The following VDAC1 variants were observed in gnomAD, a reference collection of about 807,000 sequenced individuals.
VDAC1 encodes non-selective voltage-gated ion channel VDAC1.
A neutral mutation model predicts 34.7 loss-of-function variants in VDAC1; 10 were observed. The observed-to-expected ratio is 0.29, with a 90% CI of 0.18 to 0.49. The LOEUF is 0.49. Among genes scored for constraint, VDAC1 ranks in the 20% least tolerant of loss-of-function variants. VDAC1 has a pLI of 0.99. For missense variants in VDAC1, 230 were observed against 347.9 expected (o/e 0.66, Z 2.69); for synonymous variants, 130 against 136.0 (o/e 0.96, Z 0.30).
the VDAC1 span, among the ~76,000 whole-genome samples, chr5:134,083,468 G>T: frequency 6.6e-6 from 1 of 152,300 alleles, no homozygotes; most frequent in Admixed American, 6.5e-5. Context: ...GGGATTACAG[G>T]CATGAGCCAC....
Position 133,972,704 on chromosome 5 carries a change from T to C in VDAC1, c.*67A>G. On this transcript the variant is annotated 3_prime_UTR_variant, in exon 9 of 9. Coordinates refer to ENST00000265333, the MANE Select transcript of VDAC1 (RefSeq NM_003374.3). ...ATCCCAGACATACAACATTAAAAGA[T>C]ACACTAAATTCTGAAGGTAGCTATG... 2 of 1,105,726 alleles carry C rather than the reference T, an allele frequency of 1.8e-6. No individual in the cohort carries two copies. Among genetic ancestry groups the C allele is most frequent in the East Asian group, 2.4e-5 (1 of 41,938 alleles). 68.5% of individuals were successfully genotyped at this position (1,105,726 alleles called of 1,614,324 possible).
At chr5:133,988,773 A>AG (rs1752996115) in intron 5 of VDAC1, 1 of 86,376 alleles carries the variant, frequency 1.2e-5, no homozygotes, top group Non-Finnish European at 2.3e-5. Flanking sequence ...CCCTCAACCC[A>AG]AAAAAAAAAA....
chr5:133,995,449 G>A (rs999368253), intron 1 of VDAC1, among the ~76,000 whole-genome samples: 3 of 151,880 alleles, frequency 2.0e-5, no homozygotes, highest in African/African-American at 7.3e-5. Context: ...CCCGTTCTGG[G>A]CCCCCAAGTA....
chr5:133,983,812 G>A (rs1293579538), intron 5 of VDAC1, among the ~76,000 whole-genome samples: 1 of 152,110 alleles, frequency 6.6e-6, no homozygotes. Context: ...TCATGGATTG[G>A]TGCTGTCCTC....
chr5:133,987,657 T>C (rs529269177), intron 5 of VDAC1, among the ~76,000 whole-genome samples: 2 of 152,156 alleles, frequency 1.3e-5, no homozygotes, highest in Non-Finnish European at 2.9e-5. Context: ...CAGTCACCAT[T>C]TGCCAAGCGT....
At chr5:133,992,788 T>C (rs1292074228) in intron 2 of VDAC1, among the ~76,000 whole-genome samples, 158 bp downstream of exon 2, 1 of 152,264 alleles carries the variant, frequency 6.6e-6, no homozygotes, top group African/African-American at 2.4e-5. Context: ...ACAACCAAAG[T>C]TGCTACAATT....
chr5:133,987,418 C>A (rs544824182), intron 5 of VDAC1, among the ~76,000 whole-genome samples: 1 of 152,140 alleles, frequency 6.6e-6, no homozygotes, highest in Admixed American at 6.6e-5. Context: ...TGGCTCACAC[C>A]TGTAATCCCA....
At chr5:134,058,672 C>T in the VDAC1 span, among the ~76,000 whole-genome samples, 2 of 152,150 alleles carry the variant, frequency 1.3e-5, no homozygotes, top group Non-Finnish European at 2.9e-5. Context: ...TGCATTGCAC[C>T]AGCCTTGATC....
At position 133,972,710 on chromosome 5, in the gene VDAC1, A is replaced by C. The variant is rs940807747; in HGVS notation, c.*61T>G. 1 of 1,136,654 alleles carries C rather than the reference A, an allele frequency of 8.8e-7. No homozygotes were observed. The highest frequency in any genetic ancestry group is 1.3e-6 in the Non-Finnish European group (1 of 770,690). 70.4% of individuals were successfully genotyped at this position (1,136,654 alleles called of 1,614,324 possible). A position where few individuals can be genotyped will look rare whatever the true frequency, so the allele number is the denominator to read the frequency against. Reference sequence around the variant, plus strand: ...GACATACAACATTAAAAGATACACTAAATTCTGAAGGTAGCTATGCTGCAA... The same window carrying C: ...GACATACAACATTAAAAGATACACTCAATTCTGAAGGTAGCTATGCTGCAA... On this transcript the variant is annotated 3_prime_UTR_variant, in exon 9 of 9. Transcript: ENST00000265333.
At chr5:134,092,140 G>A in the VDAC1 span, among the ~76,000 whole-genome samples, 1 of 152,212 alleles carries the variant, frequency 6.6e-6, no homozygotes, top group African/African-American at 2.4e-5. Context: ...CTAAGTGGTA[G>A]AGTGGGGATC....
the VDAC1 span, among the ~76,000 whole-genome samples, chr5:134,109,369 C>A: frequency 6.6e-6 from 1 of 152,180 alleles, no homozygotes; most frequent in Non-Finnish European, 1.5e-5. Flanking sequence ...GTGACCCCCA[C>A]ATGAACACCA....
the VDAC1 span, among the ~76,000 whole-genome samples, chr5:134,078,012 G>C: frequency 1.3e-5 from 2 of 152,238 alleles, no homozygotes; most frequent in East Asian, 3.8e-4. Flanking sequence ...TGGGAGGCAG[G>C]GGAGAGGTGG....
the VDAC1 span, among the ~76,000 whole-genome samples, chr5:134,059,788 G>A: frequency 7.3e-5 from 11 of 151,330 alleles, no homozygotes; most frequent in South Asian, 6.3e-4. Context: ...CTCAGCAACA[G>A]CAAACTTAAA....
the VDAC1 span, among the ~76,000 whole-genome samples, chr5:134,078,161 G>A: frequency 7.9e-5 from 12 of 152,172 alleles, no homozygotes; most frequent in African/African-American, 2.9e-4. Context: ...GCAGGGCTGG[G>A]CTGGGCTGGC....
At chr5:134,068,840 C>T in the VDAC1 span, among the ~76,000 whole-genome samples, 3 of 152,166 alleles carry the variant, frequency 2.0e-5, no homozygotes, top group Non-Finnish European at 4.4e-5. Flanking sequence ...CTTCCACTTA[C>T]TCTATCCTCT....
the VDAC1 span, among the ~76,000 whole-genome samples, chr5:134,071,278 C>A: frequency 0.45 from 68,889 of 152,086 alleles, 15,949 homozygotes; most frequent in Middle Eastern, 0.51. The surrounding 1 kb of genome is among the most constrained non-coding windows in gnomAD (Gnocchi z 4.1). Context: ...CGGCGCCGTG[C>A]GGGAGGGGGC....
At chr5:133,995,551 C>A (rs929642221) in intron 1 of VDAC1, among the ~76,000 whole-genome samples, 1 of 152,114 alleles carries the variant, frequency 6.6e-6, no homozygotes, top group Non-Finnish European at 1.5e-5. Flanking sequence ...TGAAGTGACA[C>A]CACCGAGGAC....
the VDAC1 span, among the ~76,000 whole-genome samples, chr5:134,106,287 G>A: frequency 6.6e-6 from 1 of 152,204 alleles, no homozygotes; most frequent in East Asian, 1.9e-4. Flanking sequence ...ACTAGGCATG[G>A]GTGAGCTGGG....
rs1355362913 is a variant in VDAC1, at chr5:134,002,871, T to G, written c.-7+2024A>C. ...TCCCAGATACTCTGTGAGGCTGAGG[T>G]GGGAGGATTGCCTGAACCCAGGAAA... On this transcript the variant is annotated intron_variant, in intron 1 of 8. Coordinates refer to ENST00000265333, the MANE Select transcript of VDAC1 (RefSeq NM_003374.3). 2.0e-5 allele frequency among the ~76,000 whole-genome samples: 3 copies of G among 150,640 alleles called. No individual in the cohort carries two copies. In the East Asian group the frequency reaches 5.9e-4, roughly 30 times the overall value.
Sources: allele counts gnomAD v4.1 joint callset (sites outside exome capture counted in the v4.1 genomes callset), GRCh38; gene constraint gnomAD v4.1.1; non-coding constraint Gnocchi (gnomAD v3.1); transcripts MANE v1.5; gene names NCBI Gene and HGNC (gene_info 2026-07-23, HGNC 2026-07-21).